C2orf76: variants seen among roughly 807,000 people sequenced by gnomAD.
C2orf76 encodes the protein UPF0538 protein C2orf76.
Under a neutral mutation model 16.9 loss-of-function variants are expected in C2orf76, and 23 were observed. The observed-to-expected ratio is 1.36, with a 90% CI of 0.98 to 1.93. C2orf76 has a LOEUF of 1.93. Among genes scored for constraint, C2orf76 ranks in the 30% most tolerant of loss-of-function variants. C2orf76 has a pLI of 0.00. For missense variants in C2orf76, 152 were observed against 152.6 expected, an observed-to-expected ratio of 1.00 and a Z score of 0.02; for synonymous variants, 48 against 52.3, an observed-to-expected ratio of 0.92 and a Z score of 0.35.
rs569274030 is a variant in C2orf76 at position 119,360,092 on chromosome 2, T to C, written c.-13+6698A>G. ...ACCAATCAGTTAGCAGCCATCAACA[T>C]TGAGGCAAGACCCTCGACCAGCAAA... On this transcript the variant is annotated intron_variant, in intron 1 of 5. Transcript: ENST00000334816. 1.1e-4 allele frequency among the ~76,000 whole-genome samples: 17 copies of C among 152,324 alleles called. No individual in the cohort carries two copies. In the South Asian group the frequency reaches 2.1e-3, roughly 19 times the overall value.
chr2:119,331,192 C>A (rs1167725484), intron 2 of C2orf76, among the ~76,000 whole-genome samples: 1 of 152,130 alleles, frequency 6.6e-6, no homozygotes, highest in East Asian at 1.9e-4. Flanking sequence ...AGTTAAATTA[C>A]TTGGAAACAA....
At chr2:119,324,513 C>T (rs956362450) in intron 2 of C2orf76, among the ~76,000 whole-genome samples, 21 of 152,344 alleles carry the variant, frequency 1.4e-4, no homozygotes, top group African/African-American at 5.1e-4. Flanking sequence ...TTATCACAAA[C>T]TGCTTCCATG....
At chr2:119,301,466 A>G (rs1403322647), downstream of C2orf76, among the ~76,000 whole-genome samples, 1 of 152,152 alleles carries the variant, frequency 6.6e-6, no homozygotes, top group Non-Finnish European at 1.5e-5. Flanking sequence ...TGAGGACTCA[A>G]GGAGCAATGG....
intron 1 of C2orf76, among the ~76,000 whole-genome samples, chr2:119,357,342 TA>T (rs528306614): frequency 1.2e-4 from 19 of 152,174 alleles, no homozygotes; most frequent in African/African-American, 4.6e-4. Context: ...TAGCAATACA[TA>T]AAAATAATTA....
At chr2:119,294,070 A>G in the C2orf76 span, among the ~76,000 whole-genome samples, 1 of 152,198 alleles carries the variant, frequency 6.6e-6, no homozygotes, top group East Asian at 1.9e-4. Flanking sequence ...TCATCTAGGG[A>G]GAAGATATAA....
At chr2:119,303,322 C>G (rs1016151909) in intron 5 of C2orf76, among the ~76,000 whole-genome samples, 1 of 152,208 alleles carries the variant, frequency 6.6e-6, no homozygotes, top group African/African-American at 2.4e-5. Context: ...TGATGGAAAG[C>G]CTTCCAGTTA....
intron 1 of C2orf76, among the ~76,000 whole-genome samples, chr2:119,356,504 T>C (rs1258253307): frequency 6.6e-6 from 1 of 151,608 alleles, no homozygotes; most frequent in African/African-American, 2.4e-5. Flanking sequence ...GAGGAAAATG[T>C]ATAGCACTGT....
At chr2:119,333,859 G>A (rs1225644257) in intron 2 of C2orf76, among the ~76,000 whole-genome samples, 1 of 152,146 alleles carries the variant, frequency 6.6e-6, no homozygotes, top group Non-Finnish European at 1.5e-5. Context: ...CAAAAGGTGG[G>A]GGATTGTTCC....
At chr2:119,334,489 C>G (rs1679778741) in intron 2 of C2orf76, among the ~76,000 whole-genome samples, 1 of 150,854 alleles carries the variant, frequency 6.6e-6, no homozygotes, top group Non-Finnish European at 1.5e-5. Context: ...AGTTTTGAGA[C>G]CAGCCTGGGT....
chr2:119,354,615 T>C (rs900707328), intron 1 of C2orf76, among the ~76,000 whole-genome samples: 1 of 152,240 alleles, frequency 6.6e-6, no homozygotes, highest in African/African-American at 2.4e-5. Flanking sequence ...GGCATTTTTT[T>C]GTTGTTGTTT....
chr2:119,286,219 C>T, the C2orf76 span, among the ~76,000 whole-genome samples: 1 of 113,260 alleles, frequency 8.8e-6, no homozygotes, highest in African/African-American at 3.5e-5. Context: ...AGCAGGACTC[C>T]ATCTCAAAAA....
chr2:119,357,852 C>CA (rs915948684), intron 1 of C2orf76, among the ~76,000 whole-genome samples: 2 of 151,848 alleles, frequency 1.3e-5, no homozygotes, highest in African/African-American at 2.4e-5. Flanking sequence ...TCTCAAAAAA[C>CA]AAAAAAATCT....
intron 3 of C2orf76, 89 bp downstream of exon 3, chr2:119,321,065 A>T: frequency 1.5e-6 from 1 of 649,628 alleles, no homozygotes; most frequent in Non-Finnish European, 2.5e-6. Context: ...ATTTACAGAT[A>T]GTCATTTTTG....
intron 2 of C2orf76, among the ~76,000 whole-genome samples, chr2:119,334,703 AAT>A (rs1553448070): frequency 6.8e-5 from 10 of 146,150 alleles, no homozygotes; most frequent in South Asian, 2.1e-4. Context: ...AAAAAAACAA[AAT>A]ATATATATAT....
chr2:119,347,073 C>T (rs1304990539), intron 1 of C2orf76, among the ~76,000 whole-genome samples: 1 of 152,180 alleles, frequency 6.6e-6, no homozygotes, highest in Non-Finnish European at 1.5e-5. Context: ...TTAAAACCAT[C>T]AGGTAAGACT....
chr2:119,293,781 AAG>A, the C2orf76 span, among the ~76,000 whole-genome samples: 1 of 152,154 alleles, frequency 6.6e-6, no homozygotes, highest in Non-Finnish European at 1.5e-5. Context: ...TAAAAGAAAA[AAG>A]AGATATATAT....
In C2orf76 at chr2:119,313,943, G is replaced by A. The variant is rs928959434; in HGVS notation, c.223-2240C>T. On this transcript the variant is annotated intron_variant, in intron 4 of 5. Transcript: ENST00000334816. ...AGTCTAGAGCATCTTCACATGCTAAGGAAATTCGGCCTTTTCTGTAAGTTA... is the reference window on the plus strand; with the variant it reads ...AGTCTAGAGCATCTTCACATGCTAAAGAAATTCGGCCTTTTCTGTAAGTTA... 4.0e-5 allele frequency among the ~76,000 whole-genome samples: 6 copies of A among 149,662 alleles called. 1 individual carries two copies. The highest frequency in any genetic ancestry group is 1.5e-4 in the African/African-American group (6 of 40,520).
At chr2:119,350,725 G>A (rs1680376726) in intron 1 of C2orf76, among the ~76,000 whole-genome samples, 1 of 152,144 alleles carries the variant, frequency 6.6e-6, no homozygotes, top group South Asian at 2.1e-4. Flanking sequence ...AGCCTGTGGT[G>A]GAAATTCAGC....
At chr2:119,359,680 G>A (rs1680682351) in intron 1 of C2orf76, among the ~76,000 whole-genome samples, 1 of 152,210 alleles carries the variant, frequency 6.6e-6, no homozygotes, top group South Asian at 2.1e-4. Context: ...TAGAAGTGAA[G>A]CCTTAAGATG....
Sources: allele counts gnomAD v4.1 joint callset (sites outside exome capture counted in the v4.1 genomes callset), GRCh38; gene constraint gnomAD v4.1.1; transcripts MANE v1.5; gene names NCBI Gene and HGNC (gene_info 2026-07-23, HGNC 2026-07-21).